STARD3: variants seen among roughly 807,000 people sequenced by gnomAD.
The protein encoded by STARD3 is StAR related lipid transfer domain containing 3.
Under a neutral mutation model 62.0 loss-of-function variants are expected in STARD3, and 39 were observed. That is an observed-to-expected ratio of 0.63 (90% CI 0.49 to 0.82). The LOEUF is 0.82. Among genes scored for constraint, STARD3 ranks in the 40% least tolerant of loss-of-function variants. The pLI is 0.00. For synonymous variants in STARD3, 229 were observed against 242.4 expected (o/e 0.94, Z 0.51); for missense variants, 543 against 584.5 (o/e 0.93, Z 0.73).
chr17:39,642,711 C>T (rs2056992228), intron 1 of STARD3, among the ~76,000 whole-genome samples: 1 of 152,092 alleles, frequency 6.6e-6, no homozygotes, highest in Admixed American at 6.6e-5. Flanking sequence ...AAGAAAAATA[C>T]AGCAGGGTAA....
intron 1 of STARD3, among the ~76,000 whole-genome samples, chr17:39,638,186 A>C (rs2056951011): frequency 6.6e-6 from 1 of 152,198 alleles, no homozygotes; most frequent in African/African-American, 2.4e-5. Flanking sequence ...AACCTGGGCC[A>C]GCTCCATCTC....
chr17:39,648,576 C>T (rs955577418), intron 1 of STARD3, among the ~76,000 whole-genome samples: 14 of 152,070 alleles, frequency 9.2e-5, no homozygotes, highest in African/African-American at 2.2e-4. Context: ...ACTGGTTGCC[C>T]GGAGACTGGG....
chr17:39,649,821 G>A (rs1360200628), intron 1 of STARD3, among the ~76,000 whole-genome samples: 2 of 143,686 alleles, frequency 1.4e-5, no homozygotes, highest in African/African-American at 2.7e-5. Flanking sequence ...AGCTGGGATC[G>A]CGCCACTGCA....
chr17:39,648,218 C>T (rs1287384046), intron 1 of STARD3, among the ~76,000 whole-genome samples: 4 of 151,982 alleles, frequency 2.6e-5, no homozygotes, highest in Admixed American at 6.6e-5. Context: ...ACCCAGGAGG[C>T]GGAGCTTGCA....
At chr17:39,661,209 C>T (rs2057194254) in intron 13 of STARD3, 124 bp downstream of exon 13, 2 of 803,828 alleles carry the variant, frequency 2.5e-6, no homozygotes, top group Non-Finnish European at 4.0e-6. Context: ...GTTCCCTGTC[C>T]CGCTGGGCTC....
chr17:39,643,123 A>G (rs1244918871), intron 1 of STARD3, among the ~76,000 whole-genome samples: 2 of 152,128 alleles, frequency 1.3e-5, no homozygotes, highest in African/African-American at 4.8e-5. Flanking sequence ...TAGAGGTGAT[A>G]GCCTGGACAG....
chr17:39,655,138 C>G (rs147497963), intron 2 of STARD3, among the ~76,000 whole-genome samples: 1 of 152,364 alleles, frequency 6.6e-6, no homozygotes, highest in Non-Finnish European at 1.5e-5. Flanking sequence ...TCATTGAATA[C>G]TTGTTTCCTT....
At chr17:39,659,737 T>G (rs1472416380) in intron 9 of STARD3, 184 bp downstream of exon 9, 1 of 450,148 alleles carries the variant, frequency 2.2e-6, no homozygotes, top group Non-Finnish European at 3.7e-6. Context: ...CCCGTGCCCC[T>G]TGGCCCCCCT....
chr17:39,660,714 G>T lies in STARD3; in HGVS notation c.955-96G>T. On this transcript the variant is annotated intron_variant, in intron 11 of 14. Coordinates refer to ENST00000336308, the MANE Select transcript of STARD3 (RefSeq NM_006804.4). This position sits in a 1 kb window ranked among gnomAD's most constrained non-coding sequence, Gnocchi z 4.8. ...ATCAGGCGCTGCCCAGGGCCTGCCTGTGGCAATAGCAGTTAGTAAAGGGGC... is the reference window on the plus strand; with the variant it reads ...ATCAGGCGCTGCCCAGGGCCTGCCTTTGGCAATAGCAGTTAGTAAAGGGGC... The T allele has an allele frequency of 6.9e-7, 1 of 1,439,212 alleles. No individual in the cohort carries two copies. Among genetic ancestry groups the T allele is most frequent in the Non-Finnish European group, 9.5e-7 (1 of 1,051,922 alleles). The allele number at this position is 1,439,212 out of a possible 1,614,324, so 89.2% of individuals were successfully genotyped here. A position where few individuals can be genotyped will look rare whatever the true frequency, so the allele number is the denominator to read the frequency against.
intron 8 of STARD3, 103 bp from the exon 9 acceptor site, chr17:39,659,358 C>A: frequency 8.2e-7 from 1 of 1,215,894 alleles, no homozygotes; most frequent in East Asian, 2.4e-5. Flanking sequence ...CTGGGCCAGG[C>A]CCCTCTGGGA....
At chr17:39,654,175 TTC>T (rs2057105182) in intron 2 of STARD3, among the ~76,000 whole-genome samples, 1 of 148,260 alleles carries the variant, frequency 6.7e-6, no homozygotes, top group Non-Finnish European at 1.5e-5. Flanking sequence ...CGATCATTCA[TTC>T]ATTCATTCAT....
In STARD3 at chr17:39,662,820, A is replaced by C; in HGVS notation, c.1250A>C (p.Tyr417Ser). Residue 417 changes from tyrosine to serine, a missense_variant, in exon 15 of 15, where the codon TAC becomes TCC. Physicochemically the swap from Tyr to Ser is moderately radical, Grantham distance 144 (BLOSUM62 -2). Transcript: ENST00000336308. The part of the protein sequence containing the change: ...NTDLKGRLPR[Y>S]LIHQSLAATM... ...TTCCCCCAGGGCCGCCTGCCCCGGT[A>C]CCTCATCCACCAGAGCCTCGCGGCC... 1 of 1,610,240 alleles carries C rather than the reference A, an allele frequency of 6.2e-7. No individual in the cohort carries two copies. Among genetic ancestry groups the C allele is most frequent in the Non-Finnish European group, 8.5e-7 (1 of 1,178,504 alleles).
chr17:39,641,223 C>T (rs569783430), intron 1 of STARD3, among the ~76,000 whole-genome samples: 1 of 152,284 alleles, frequency 6.6e-6, no homozygotes, highest in African/African-American at 2.4e-5. Flanking sequence ...GACTAGCTAA[C>T]TTACTAGACA....
At chr17:39,662,149 T>C in intron 13 of STARD3, 102 bp from the exon 14 acceptor site, 1 of 1,049,998 alleles carries the variant, frequency 9.5e-7, no homozygotes, top group Non-Finnish European at 1.4e-6. Context: ...TCCAGCCCAG[T>C]CCCAGCTGGG....
At chr17:39,637,475 T>G (rs1266742591) in intron 1 of STARD3, 1 of 152,214 alleles carries the variant, frequency 6.6e-6, no homozygotes, top group Non-Finnish European at 1.5e-5. Flanking sequence ...GTTCGGGATC[T>G]CCTTCCAAAG....
Position 39,660,675 on chromosome 17 carries a change from CAGG to C in STARD3, c.955-129_955-127del, listed in dbSNP as rs2057186852. The C allele has an allele frequency of 1.5e-6, 2 of 1,342,056 alleles. No individual in the cohort carries two copies. Among genetic ancestry groups the C allele is most frequent in the Non-Finnish European group, 2.1e-6 (2 of 955,656 alleles). The allele number at this position is 1,342,056 out of a possible 1,614,324, so 83.1% of individuals were successfully genotyped here. A position where few individuals can be genotyped will look rare whatever the true frequency, so the allele number is the denominator to read the frequency against. ...CTGCTCGGGAGGGTCGGGAGGAGGG[CAGG>C]AGGAGTGCTCATCAGGCGCTGCCCA... On this transcript the variant is annotated intron_variant, in intron 11 of 14. Transcript: ENST00000336308. This position sits in a 1 kb window ranked among gnomAD's most constrained non-coding sequence, Gnocchi z 4.8.
intron 3 of STARD3, 29 bp downstream of exon 3, chr17:39,657,114 C>T: frequency 6.2e-7 from 1 of 1,609,370 alleles, no homozygotes; most frequent in Non-Finnish European, 8.5e-7. Flanking sequence ...TCCTGGGGAC[C>T]CCGGAGGCAG....
Position 39,649,885 on chromosome 17 carries a change from A to G in STARD3, c.-51-3596A>G, listed in dbSNP as rs943665348. 1.7e-4 allele frequency among the ~76,000 whole-genome samples: 25 copies of G among 143,160 alleles called. 2 individuals carry two copies. In the East Asian group the frequency reaches 3.5e-3, roughly 20 times the overall value. The allele number at this position is 143,160 out of a possible 152,430, so 93.9% of individuals were successfully genotyped here. A position where few individuals can be genotyped will look rare whatever the true frequency, so the allele number is the denominator to read the frequency against. On this transcript the variant is annotated intron_variant, in intron 1 of 14. Transcript: ENST00000336308. Reference sequence around the variant, plus strand: ...CGTCTCAAAAAAAAAAAAAAAAAAAAGATATACAAAGAAAGCATATTCCTT... The same window carrying G: ...CGTCTCAAAAAAAAAAAAAAAAAAAGGATATACAAAGAAAGCATATTCCTT...
rs1239679809 is a variant in STARD3, at chr17:39,663,876, G to A, written c.*968G>A. 1.3e-5 allele frequency among the ~76,000 whole-genome samples: 2 copies of A among 152,046 alleles called. No homozygotes were observed. The highest frequency in any genetic ancestry group is 2.9e-5 in the Non-Finnish European group (2 of 67,988). ...GCACCTCTGGGATCCAGGCCACCTG[G>A]AGCCCCGGACCTCCCAGACTCCACT... On this transcript the variant is annotated 3_prime_UTR_variant, in exon 15 of 15. Coordinates refer to ENST00000336308, the MANE Select transcript of STARD3 (RefSeq NM_006804.4).
Sources: gnomAD v4.1 joint callset for allele counts (sites outside exome capture counted in the v4.1 genomes callset) on GRCh38, gnomAD v4.1.1 for gene constraint, Gnocchi (gnomAD v3.1) non-coding constraint, MANE v1.5 for transcripts, NCBI Gene and HGNC (gene_info 2026-07-23, HGNC 2026-07-21) for gene names.